ITGA9: variants seen among roughly 807,000 people sequenced by gnomAD.
The protein encoded by ITGA9 is integrin subunit alpha 9.
Under a neutral mutation model 127.8 loss-of-function variants are expected in ITGA9, and 56 were observed. The ratio of observed to expected loss-of-function variants is 0.44; its 90% CI spans 0.35 to 0.55. The LOEUF is 0.55. Among genes scored for constraint, ITGA9 ranks in the 20% least tolerant of loss-of-function variants. The pLI is 0.00. For missense variants in ITGA9, 1,196 were observed against 1,347.1 expected (o/e 0.89, Z 1.76); for synonymous variants, 508 against 514.5 (o/e 0.99, Z 0.17).
chr3:37,497,596 T>C (rs1698744613), intron 5 of ITGA9, among the ~76,000 whole-genome samples: 1 of 152,252 alleles, frequency 6.6e-6, no homozygotes, highest in South Asian at 2.1e-4. Flanking sequence ...AGAAACTAAC[T>C]ACGTTATTTT....
chr3:37,560,952 G>A lies in ITGA9; in HGVS notation c.1689+18367G>A, dbSNP rs528448730. Among the ~76,000 whole-genome samples the A allele has an allele frequency of 2.0e-4, 30 of 152,192 alleles. No individual in the cohort carries two copies. In the South Asian group the frequency reaches 6.0e-3, roughly 31 times the overall value. On this transcript the variant is annotated intron_variant, in intron 15 of 27. Transcript: ENST00000264741. ...ATGACTGCCTTTTCCCTGTGTCCCC[G>A]CATGGTCTTTCCTCTGTACTCATAT... is the stretch of plus-strand genomic sequence containing the variant.
At chr3:37,586,421 A>G (rs1699759566) in intron 15 of ITGA9, among the ~76,000 whole-genome samples, 1 of 152,166 alleles carries the variant, frequency 6.6e-6, no homozygotes, top group Admixed American at 6.5e-5. Flanking sequence ...AGCTCTGACT[A>G]ACTGATCTCT....
intron 22 of ITGA9, chr3:37,748,032 AT>A: frequency 2.9e-6 from 1 of 340,830 alleles, no homozygotes; most frequent in South Asian, 2.6e-5. Flanking sequence ...TTGTTGCAAA[AT>A]TTTGGAACAT....
At chr3:37,489,908 A>G (rs1698650825) in intron 4 of ITGA9, among the ~76,000 whole-genome samples, 2 of 152,196 alleles carry the variant, frequency 1.3e-5, no homozygotes, top group African/African-American at 4.8e-5. Context: ...AGTAATGGTG[A>G]GAGCACACCT....
chr3:37,456,512 G>T (rs1019362430), intron 1 of ITGA9, among the ~76,000 whole-genome samples: 3 of 152,180 alleles, frequency 2.0e-5, no homozygotes, highest in Non-Finnish European at 4.4e-5. Flanking sequence ...CAGAGCGGAC[G>T]TCTTTCACAC....
intron 17 of ITGA9, among the ~76,000 whole-genome samples, chr3:37,663,124 C>T (rs576953984): frequency 3.5e-5 from 5 of 144,402 alleles, no homozygotes; most frequent in Admixed American, 7.3e-5. Context: ...ATTGTCAAAA[C>T]GTCCAGGAAC....
chr3:37,487,447 T>C (rs1393278273), intron 4 of ITGA9, among the ~76,000 whole-genome samples: 1 of 152,192 alleles, frequency 6.6e-6, no homozygotes, highest in Admixed American at 6.5e-5. Flanking sequence ...CAAACCTGTC[T>C]CCTATACTTC....
rs80025852 is a variant in ITGA9 at position 37,559,357 on chromosome 3, C to T, written c.1689+16772C>T. ...GGATTGCTTTCTGGATAATCTCGCT[C>T]CTTGGGTATAAATCTAATGTGAAAG... is the stretch of plus-strand genomic sequence containing the variant. On this transcript the variant is annotated intron_variant, in intron 15 of 27. Transcript: ENST00000264741. 4.4e-3 allele frequency among the ~76,000 whole-genome samples: 676 copies of T among 152,208 alleles called. 5 individuals are homozygous for T. Among genetic ancestry groups the T allele is most frequent in the African/African-American group, 0.014 (581 of 41,516 alleles).
At chr3:37,578,039 A>G (rs1167678297) in intron 15 of ITGA9, among the ~76,000 whole-genome samples, 3 of 152,174 alleles carry the variant, frequency 2.0e-5, no homozygotes, top group Non-Finnish European at 4.4e-5. Flanking sequence ...AAGCCCAAAC[A>G]TGGTTTTTAG....
At position 37,575,405 on chromosome 3, in the gene ITGA9, A is replaced by C. The variant is rs112831672; in HGVS notation, c.1689+32820A>C. Among the ~76,000 whole-genome samples the C allele has an allele frequency of 1.9e-3, 286 of 152,236 alleles. 2 individuals carry two copies. Among genetic ancestry groups the C allele is most frequent in the African/African-American group, 6.4e-3 (267 of 41,546 alleles). On this transcript the variant is annotated intron_variant, in intron 15 of 27. Transcript: ENST00000264741. ...GCTGTCTCCTATTTAAGAGTAAATA[A>C]AGGTAGTGACAGTCACAAAAATAGC...
At chr3:37,542,632 T>C (rs1699286146) in intron 15 of ITGA9, 47 bp downstream of exon 15, 1 of 1,592,588 alleles carries the variant, frequency 6.3e-7, no homozygotes, top group Non-Finnish European at 8.6e-7. Flanking sequence ...TCTCTGCAGA[T>C]GTTCACTTGG....
At chr3:37,771,393 C>G (rs550924306) in intron 23 of ITGA9, among the ~76,000 whole-genome samples, 5 of 152,196 alleles carry the variant, frequency 3.3e-5, no homozygotes, top group Non-Finnish European at 7.3e-5. Context: ...AATGAAAATG[C>G]ACAGACAGTT....
At chr3:37,535,600 C>T (rs990450699) in intron 14 of ITGA9, among the ~76,000 whole-genome samples, 2 of 152,132 alleles carry the variant, frequency 1.3e-5, no homozygotes, top group Non-Finnish European at 2.9e-5. Context: ...GTGGGCAATG[C>T]GAAGCAACCT....
chr3:37,473,362 CGG>C lies in ITGA9; in HGVS notation c.325_326del (p.Gly109HisfsTer13). The C allele has an allele frequency of 6.2e-7, 1 of 1,613,850 alleles. No individual in the cohort carries two copies. Among genetic ancestry groups the C allele is most frequent in the Non-Finnish European group, 8.5e-7 (1 of 1,179,830 alleles). On this transcript the variant is annotated frameshift_variant, in exon 3 of 28. Transcript: ENST00000264741. LOFTEE classifies it high-confidence loss of function. ...TELDMARGKN[R>X]GTSCGKTCRE... is the part of the protein sequence containing the mutation. ...TTCTCCTCTTTCTCCAGGGAAGAAT[CGG>C]GGCACGTCCTGCGGAAAGACCTGCC...
rs1031392307 is a variant in ITGA9, at chr3:37,822,729, G to A, written c.*3740G>A. The A allele has an allele frequency of 6.6e-6, 1 of 152,268 alleles. No individual in the cohort carries two copies. The highest frequency in any genetic ancestry group is 2.4e-5 in the African/African-American group (1 of 41,472). 9.4% of individuals were successfully genotyped at this position (152,268 alleles called of 1,614,324 possible). A position where few individuals can be genotyped will look rare whatever the true frequency, so the allele number is the denominator to read the frequency against. On this transcript the variant is annotated 3_prime_UTR_variant, in exon 28 of 28. Coordinates refer to ENST00000264741, the MANE Select transcript of ITGA9 (RefSeq NM_002207.3). ...CATAGCAGATCCCCAGACGATCCGT[G>A]TGCTGTATGCTACCTGTTGAACCCT...
At chr3:37,778,970 G>T (rs1428458195) in intron 24 of ITGA9, among the ~76,000 whole-genome samples, 5 of 147,218 alleles carry the variant, frequency 3.4e-5, no homozygotes, top group African/African-American at 1.2e-4. Flanking sequence ...TGATTTTATA[G>T]TTACGACTCT....
At chr3:37,679,391 T>C (rs578188536) in intron 17 of ITGA9, among the ~76,000 whole-genome samples, 21 of 152,204 alleles carry the variant, frequency 1.4e-4, no homozygotes, top group South Asian at 6.2e-4. Flanking sequence ...TTCAGGTGTT[T>C]GTAAACTTTC....
At chr3:37,720,605 A>G (rs936526849) in intron 18 of ITGA9, among the ~76,000 whole-genome samples, 14 of 152,252 alleles carry the variant, frequency 9.2e-5, no homozygotes, top group African/African-American at 3.4e-4. Flanking sequence ...ACAGAAGGAA[A>G]AACTTCCTGA....
At chr3:37,641,016 A>G (rs1242174669) in intron 16 of ITGA9, among the ~76,000 whole-genome samples, 1 of 152,182 alleles carries the variant, frequency 6.6e-6, no homozygotes, top group Non-Finnish European at 1.5e-5. Context: ...CTGAGGAAGC[A>G]GGTGCTCTGC....
Sources: allele counts gnomAD v4.1 joint callset (sites outside exome capture counted in the v4.1 genomes callset), GRCh38; gene constraint gnomAD v4.1.1; transcripts MANE v1.5; gene names NCBI Gene and HGNC (gene_info 2026-07-23, HGNC 2026-07-21).